Variants in PPP2R3A observed in about 807,000 individuals in gnomAD.
PPP2R3A encodes the protein protein phosphatase 2 regulatory subunit B''alpha.
PPP2R3A carries 80 observed loss-of-function variants against 106.9 expected under a neutral mutation model. That is an observed-to-expected ratio of 0.75 (90% CI 0.62 to 0.90). PPP2R3A has a LOEUF of 0.90. Ranked by LOEUF, PPP2R3A falls within the 40% of genes least tolerant of loss-of-function variation. The probability of loss-of-function intolerance (pLI) is 0.00; values close to 1 mark genes in which losing one functional copy is unlikely to be tolerated. For synonymous variants in PPP2R3A, 483 were observed against 468.3 expected, an observed-to-expected ratio of 1.03 and a Z score of -0.41; for missense variants, 1,386 against 1,350.4, an observed-to-expected ratio of 1.03 and a Z score of -0.41.
intron 13 of PPP2R3A, among the ~76,000 whole-genome samples, chr3:136,143,495 A>T (rs1418604536): frequency 6.7e-6 from 1 of 148,718 alleles, no homozygotes; most frequent in African/African-American, 2.5e-5. Flanking sequence ...CATCTCAAAA[A>T]CAAAAAGATG....
At chr3:136,139,576 C>T (rs1392072083) in intron 13 of PPP2R3A, among the ~76,000 whole-genome samples, 3 of 151,726 alleles carry the variant, frequency 2.0e-5, no homozygotes, top group African/African-American at 7.3e-5. Context: ...GCCTGTAATC[C>T]CAACTACTCA....
intron 2 of PPP2R3A, among the ~76,000 whole-genome samples, chr3:136,005,845 T>C (rs1405417702): frequency 2.6e-5 from 4 of 152,220 alleles, no homozygotes; most frequent in African/African-American, 9.6e-5. Flanking sequence ...TGAAGAAACA[T>C]CTGCTTTCTC....
intron 4 of PPP2R3A, among the ~76,000 whole-genome samples, 162 bp from the exon 5 acceptor site, chr3:136,049,097 T>A (rs898246724): frequency 2.6e-5 from 4 of 152,220 alleles, no homozygotes; most frequent in African/African-American, 9.6e-5. Flanking sequence ...TCCAACCTTA[T>A]AGACAGCTCA....
intron 13 of PPP2R3A, among the ~76,000 whole-genome samples, chr3:136,111,052 G>A (rs1937584391): frequency 6.6e-6 from 1 of 152,098 alleles, no homozygotes; most frequent in African/African-American, 2.4e-5. Flanking sequence ...AAAAAGAGGT[G>A]CAAAAAGTAT....
rs371263638 is a variant in PPP2R3A, at chr3:136,080,616, A to G, written c.2632-1649A>G. 2.6e-5 allele frequency among the ~76,000 whole-genome samples: 4 copies of G among 152,368 alleles called. No individual in the cohort carries two copies. In the South Asian group the frequency reaches 8.3e-4, roughly 32 times the overall value. ...ACATTTTATAAAACAAAGTAATATG[A>G]GCAAGTTTGGAAGACAGAAGAAAAA... On this transcript the variant is annotated intron_variant, in intron 7 of 13. Transcript: ENST00000264977.
intron 1 of PPP2R3A, among the ~76,000 whole-genome samples, chr3:135,967,367 G>C (rs929916825): frequency 6.6e-6 from 1 of 152,182 alleles, no homozygotes; most frequent in Non-Finnish European, 1.5e-5. Context: ...AGCAGTTAAA[G>C]ATTTATTTGT....
At chr3:136,066,921 C>A (rs1472378807) in intron 5 of PPP2R3A, among the ~76,000 whole-genome samples, 2 of 152,150 alleles carry the variant, frequency 1.3e-5, no homozygotes, top group South Asian at 2.1e-4. Context: ...AAAAAAATTT[C>A]TCTGTATTTT....
At chr3:135,971,593 G>T (rs1375038747) in intron 1 of PPP2R3A, among the ~76,000 whole-genome samples, 1 of 152,172 alleles carries the variant, frequency 6.6e-6, no homozygotes, top group Non-Finnish European at 1.5e-5. Flanking sequence ...CTTGAAAACA[G>T]GAATATCATC....
chr3:136,073,019 G>T (rs1379717790), intron 6 of PPP2R3A, among the ~76,000 whole-genome samples: 1 of 152,164 alleles, frequency 6.6e-6, no homozygotes, highest in African/African-American at 2.4e-5. Flanking sequence ...TCAGGCTGCA[G>T]TGCAGTGGCA....
In PPP2R3A at chr3:136,030,761, C is replaced by CATATATATATATATATAT. The variant is rs374923726; in HGVS notation, c.2262+3666_2262+3683dup. ...TTTATGGCTGAGTAGTATTCCATCA[C>CATATATATATATATATAT]ATATATATATATATATATATGTATG... On this transcript the variant is annotated intron_variant, in intron 3 of 13. Transcript: ENST00000264977. Among the ~76,000 whole-genome samples, 967 of 99,722 alleles carry CATATATATATATATATAT rather than the reference C, an allele frequency of 9.7e-3. 20 individuals are homozygous for CATATATATATATATATAT. The highest frequency in any genetic ancestry group is 0.014 in the Middle Eastern group (3 of 218). The allele number at this position is 99,722 out of a possible 152,430, so 65.4% of individuals were successfully genotyped here.
At chr3:136,004,824 GTAAGTATTTTGTCATGT>G (rs1279981305) in intron 2 of PPP2R3A, among the ~76,000 whole-genome samples, 3 of 152,250 alleles carry the variant, frequency 2.0e-5, no homozygotes, top group South Asian at 2.1e-4. Context: ...TAGTAGATCT[GTAAGTATTTTGTCATGT>G]TATTCTTTGT....
intron 13 of PPP2R3A, among the ~76,000 whole-genome samples, chr3:136,116,639 CAAAG>C (rs1162301909): frequency 1.3e-5 from 2 of 152,130 alleles, no homozygotes; most frequent in Admixed American, 6.6e-5. Context: ...TCAAAAGAGA[CAAAG>C]AAGGTCATTA....
intron 13 of PPP2R3A, among the ~76,000 whole-genome samples, chr3:136,117,908 C>G (rs1237455460): frequency 1.3e-5 from 2 of 152,000 alleles, no homozygotes; most frequent in Non-Finnish European, 2.9e-5. Context: ...CCAAAGCCTG[C>G]CAGAGACACA....
intron 3 of PPP2R3A, among the ~76,000 whole-genome samples, chr3:136,032,238 G>C (rs75045249): frequency 1.1e-4 from 17 of 152,182 alleles, no homozygotes; most frequent in Non-Finnish European, 2.4e-4. Context: ...TCACCTCCTT[G>C]GTTAGGTATA....
chr3:136,025,590 C>T (rs988159174), intron 2 of PPP2R3A, among the ~76,000 whole-genome samples: 3 of 151,850 alleles, frequency 2.0e-5, no homozygotes, highest in African/African-American at 7.3e-5. Context: ...TTAAGGGTAG[C>T]TAAAATTTTT....
chr3:136,091,091 T>C (rs1188556550), intron 10 of PPP2R3A, among the ~76,000 whole-genome samples: 1 of 152,218 alleles, frequency 6.6e-6, no homozygotes, highest in Admixed American at 6.5e-5. Context: ...ATGCTTTTCC[T>C]TGGCACTCCC....
intron 13 of PPP2R3A, among the ~76,000 whole-genome samples, chr3:136,142,521 T>C (rs1419321861): frequency 4.6e-5 from 7 of 152,244 alleles, no homozygotes; most frequent in Non-Finnish European, 1.0e-4. Context: ...TCCCCCAATA[T>C]AGGATTAGGT....
intron 3 of PPP2R3A, among the ~76,000 whole-genome samples, chr3:136,037,199 A>G (rs1209728717): frequency 6.6e-6 from 1 of 152,250 alleles, no homozygotes; most frequent in East Asian, 1.9e-4. Context: ...CTCTGTGTTT[A>G]TGGAATCTGC....
At chr3:136,107,699 A>C (rs1576316277) in intron 13 of PPP2R3A, among the ~76,000 whole-genome samples, 1 of 152,156 alleles carries the variant, frequency 6.6e-6, no homozygotes. Context: ...GATTTCTTTA[A>C]CCTGCTTAGC....
Sources: gnomAD v4.1 joint callset for allele counts (sites outside exome capture counted in the v4.1 genomes callset) on GRCh38, gnomAD v4.1.1 for gene constraint, MANE v1.5 for transcripts, NCBI Gene and HGNC (gene_info 2026-07-23, HGNC 2026-07-21) for gene names.